Variants in RAB3C observed in about 807,000 individuals in gnomAD.
The protein encoded by RAB3C is RAB3C, member RAS oncogene family, also known as ras-related protein Rab-3C.
In RAB3C, 17 loss-of-function variants were observed where a neutral mutation model predicts 26.4. That is an observed-to-expected ratio of 0.64 (90% CI 0.44 to 0.97). RAB3C has a LOEUF of 0.97. RAB3C is among the 50% of genes least tolerant of loss of function. The pLI is 0.00. For missense variants in RAB3C, 242 were observed against 281.9 expected (o/e 0.86, Z 1.01); for synonymous variants, 91 against 95.9 (o/e 0.95, Z 0.30).
chr5:58,642,389 C>G (rs1407220208), intron 2 of RAB3C, among the ~76,000 whole-genome samples: 1 of 152,154 alleles, frequency 6.6e-6, no homozygotes, highest in Non-Finnish European at 1.5e-5. Flanking sequence ...AGCTTTCTTT[C>G]TCTCTTATAA....
chr5:58,586,967 G>A (rs1246928216), intron 1 of RAB3C, among the ~76,000 whole-genome samples: 1 of 152,100 alleles, frequency 6.6e-6, no homozygotes, highest in East Asian at 1.9e-4. Context: ...CATCCTCAGT[G>A]ATCATCCCTC....
intron 3 of RAB3C, among the ~76,000 whole-genome samples, chr5:58,779,615 T>C (rs1011915460): frequency 1.3e-5 from 2 of 152,046 alleles, no homozygotes; most frequent in African/African-American, 2.4e-5. Context: ...CTTGAACTCC[T>C]GGCTTCAGGA....
chr5:58,664,969 C>G (rs1169669968), intron 2 of RAB3C, among the ~76,000 whole-genome samples: 5 of 152,050 alleles, frequency 3.3e-5, no homozygotes, highest in African/African-American at 1.2e-4. Flanking sequence ...TGGATGCCTC[C>G]AGCCTCTGAA....
intron 3 of RAB3C, among the ~76,000 whole-genome samples, chr5:58,824,498 C>A (rs1291591986): frequency 6.6e-6 from 1 of 152,184 alleles, no homozygotes; most frequent in African/African-American, 2.4e-5. Context: ...TATTAGCTCT[C>A]ATGATTCTTT....
chr5:58,693,306 A>C (rs1748609458), intron 2 of RAB3C, among the ~76,000 whole-genome samples: 2 of 136,830 alleles, frequency 1.5e-5, no homozygotes, highest in South Asian at 4.4e-4. Context: ...TTAATTATAT[A>C]AATAAAATTA....
At chr5:58,617,470 A>G in intron 1 of RAB3C, 173 bp from the exon 2 acceptor site, 1 of 771,340 alleles carries the variant, frequency 1.3e-6, no homozygotes, top group Non-Finnish European at 2.4e-6. Context: ...GCAGGGAATT[A>G]TTGCCATGGA....
Position 58,857,125 on chromosome 5 carries a change from T to A in RAB3C, c.*5774T>A, listed in dbSNP as rs1744278536. 1 of 152,222 alleles carries A rather than the reference T, an allele frequency of 6.6e-6. No homozygotes were observed. Among genetic ancestry groups the A allele is most frequent in the South Asian group, 2.1e-4 (1 of 4,836 alleles). 9.4% of individuals were successfully genotyped at this position (152,222 alleles called of 1,614,324 possible). A position where few individuals can be genotyped will look rare whatever the true frequency, so the allele number is the denominator to read the frequency against. ...AATATTTAATGACTCACTCAGTGTATATAAACTAGTATGAAAGAGTGAATT... is the reference window on the plus strand; with the variant it reads ...AATATTTAATGACTCACTCAGTGTAAATAAACTAGTATGAAAGAGTGAATT... On this transcript the variant is annotated 3_prime_UTR_variant, in exon 5 of 5. Coordinates refer to ENST00000282878, the MANE Select transcript of RAB3C (RefSeq NM_138453.4).
At chr5:58,775,388 G>A (rs1272655586) in intron 3 of RAB3C, among the ~76,000 whole-genome samples, 2 of 152,060 alleles carry the variant, frequency 1.3e-5, no homozygotes, top group South Asian at 2.1e-4. Context: ...GTAACACCAC[G>A]TAAGAAGATC....
Position 58,678,008 on chromosome 5 carries a change from G to A in RAB3C, c.253-47994G>A, listed in dbSNP as rs62366569. ...TGTGTGTGTGTGTGTGTGTGCATGC[G>A]TGTGTGTGTGTGTTCAAGGTACATA... On this transcript the variant is annotated intron_variant, in intron 2 of 4. Transcript: ENST00000282878. 3.0e-4 allele frequency among the ~76,000 whole-genome samples: 44 copies of A among 145,150 alleles called. No individual in the cohort carries two copies. The East Asian group carries it at 5.3e-3, about 18-fold the overall frequency.
chr5:58,727,400 T>A (rs1740916937), intron 3 of RAB3C, among the ~76,000 whole-genome samples: 1 of 152,028 alleles, frequency 6.6e-6, no homozygotes, highest in South Asian at 2.1e-4. Context: ...CATAAGTATC[T>A]TCCACTGAGG....
At chr5:58,661,058 G>A (rs1422479007) in intron 2 of RAB3C, among the ~76,000 whole-genome samples, 1 of 149,918 alleles carries the variant, frequency 6.7e-6, no homozygotes, top group East Asian at 1.9e-4. Flanking sequence ...TAATGTTCCT[G>A]CCTCCCCAAA....
At chr5:58,760,380 G>A (rs953648360) in intron 3 of RAB3C, among the ~76,000 whole-genome samples, 2 of 152,112 alleles carry the variant, frequency 1.3e-5, no homozygotes, top group African/African-American at 2.4e-5. Flanking sequence ...TTAATGATTT[G>A]GATGCATCAG....
At chr5:58,725,447 C>T (rs1740868694) in intron 2 of RAB3C, among the ~76,000 whole-genome samples, 1 of 151,812 alleles carries the variant, frequency 6.6e-6, no homozygotes, top group Non-Finnish European at 1.5e-5. Context: ...CCTGACCTTG[C>T]TACCTCTGAT....
chr5:58,821,863 G>A (rs2112053863), intron 3 of RAB3C, among the ~76,000 whole-genome samples: 1 of 152,262 alleles, frequency 6.6e-6, no homozygotes, highest in African/African-American at 2.4e-5. Context: ...AGTTTAAAAA[G>A]CTATAATATT....
intron 2 of RAB3C, among the ~76,000 whole-genome samples, chr5:58,676,229 C>T (rs775650725): frequency 2.6e-5 from 4 of 152,144 alleles, no homozygotes; most frequent in African/African-American, 9.6e-5. Context: ...CTGGGTCGAG[C>T]GGCGTGGCTC....
intron 3 of RAB3C, among the ~76,000 whole-genome samples, chr5:58,768,011 T>G (rs1741946227): frequency 6.6e-6 from 1 of 152,064 alleles, no homozygotes; most frequent in Non-Finnish European, 1.5e-5. Context: ...CCTGACACAG[T>G]GGAGTCCAGC....
intron 2 of RAB3C, among the ~76,000 whole-genome samples, chr5:58,655,877 G>A (rs901914063): frequency 7.2e-6 from 1 of 139,214 alleles, no homozygotes; most frequent in African/African-American, 2.7e-5. Flanking sequence ...CTCACTGCAA[G>A]CTCCGCCTCC....
chr5:58,850,970 T>C (rs1434583595), intron 4 of RAB3C, among the ~76,000 whole-genome samples, 194 bp from the exon 5 acceptor site: 6 of 152,220 alleles, frequency 3.9e-5, no homozygotes, highest in Non-Finnish European at 8.8e-5. Context: ...CTTTTGTTCA[T>C]GGTTAATGGA....
intron 3 of RAB3C, among the ~76,000 whole-genome samples, chr5:58,790,850 G>A (rs1742508945): frequency 6.6e-6 from 1 of 151,956 alleles, no homozygotes. Context: ...TAACTGAAGG[G>A]TTCAGAGGTG....
Sources: gnomAD v4.1 joint callset for allele counts (sites outside exome capture counted in the v4.1 genomes callset) on GRCh38, gnomAD v4.1.1 for gene constraint, MANE v1.5 for transcripts, NCBI Gene and HGNC (gene_info 2026-07-23, HGNC 2026-07-21) for gene names.